Variants in TCF4 observed in about 807,000 individuals in gnomAD.
TCF4 encodes the protein transcription factor 4, also known as SL3-3 enhancer factor 2.
Under a neutral mutation model 82.1 loss-of-function variants are expected in TCF4, and 3 were observed. The ratio of observed to expected loss-of-function variants is 0.04; its 90% CI spans 0.02 to 0.09. The LOEUF (loss-of-function observed/expected upper bound fraction) is 0.09, where lower values mean the gene tolerates loss of function less well. Ranked by LOEUF, TCF4 falls within the 10% of genes least tolerant of loss-of-function variation. The probability of loss-of-function intolerance (pLI) is 1.00; values close to 1 mark genes in which losing one functional copy is unlikely to be tolerated. For synonymous variants in TCF4, 276 were observed against 309.6 expected, an observed-to-expected ratio of 0.89 and a Z score of 1.14; for missense variants, 518 against 852.7, an observed-to-expected ratio of 0.61 and a Z score of 4.89.
chr18:55,323,525 C>G (rs1454376662), intron 8 of TCF4, among the ~76,000 whole-genome samples: 1 of 152,168 alleles, frequency 6.6e-6, no homozygotes, highest in Admixed American at 6.5e-5. Flanking sequence ...AACTCACTTG[C>G]TCTGCATTTA....
chr18:55,234,353 G>A (rs1364406517), intron 16 of TCF4, 195 bp downstream of exon 16: 2 of 729,222 alleles, frequency 2.7e-6, no homozygotes, highest in African/African-American at 1.8e-5. Flanking sequence ...GATGTTTGAG[G>A]AAAACAGTCC....
chr18:55,373,146 A>G (rs2089783663), intron 6 of TCF4, among the ~76,000 whole-genome samples: 1 of 152,026 alleles, frequency 6.6e-6, no homozygotes, highest in South Asian at 2.1e-4. Context: ...AATGCTGTGT[A>G]TAACAAACCA....
At chr18:55,269,329 C>A (rs2059857166) in intron 11 of TCF4, 1 of 172,120 alleles carries the variant, frequency 5.8e-6, no homozygotes, top group South Asian at 1.5e-4. Flanking sequence ...AGGGACTCCA[C>A]AGTGTCACAT....
intron 13 of TCF4, among the ~76,000 whole-genome samples, chr18:55,259,187 A>G (rs1196036518): frequency 6.6e-6 from 1 of 152,176 alleles, no homozygotes; most frequent in Non-Finnish European, 1.5e-5. Context: ...TCCATCAGGT[A>G]CAGATGTGAT....
At chr18:55,246,572 C>T (rs1385972734) in intron 15 of TCF4, among the ~76,000 whole-genome samples, 1 of 152,136 alleles carries the variant, frequency 6.6e-6, no homozygotes, top group Non-Finnish European at 1.5e-5. Context: ...AAGGATCTTA[C>T]TTCTATTGCT....
At chr18:55,604,141 C>A (rs138659408) in intron 2 of TCF4, among the ~76,000 whole-genome samples, 1 of 152,182 alleles carries the variant, frequency 6.6e-6, no homozygotes, top group African/African-American at 2.4e-5. Context: ...ATCTTAACAA[C>A]AATGATTTTT....
intron 3 of TCF4, among the ~76,000 whole-genome samples, chr18:55,491,769 G>T (rs142179862): frequency 2.4e-4 from 37 of 152,244 alleles, no homozygotes; most frequent in African/African-American, 8.7e-4. Flanking sequence ...CTCCTTTGAT[G>T]AATCTGTTCC....
intron 3 of TCF4, among the ~76,000 whole-genome samples, chr18:55,524,218 G>A (rs1352378229): frequency 6.6e-6 from 1 of 151,874 alleles, no homozygotes; most frequent in East Asian, 1.9e-4. Flanking sequence ...ATCACGTCCT[G>A]TTGGTCAAGA....
chr18:55,612,101 T>C (rs2097707643), intron 2 of TCF4, among the ~76,000 whole-genome samples: 1 of 152,184 alleles, frequency 6.6e-6, no homozygotes, highest in Non-Finnish European at 1.5e-5. Context: ...GCTATTTACA[T>C]CTTCAGAAAC....
intron 3 of TCF4, among the ~76,000 whole-genome samples, chr18:55,504,474 AATAAGT>A (rs1373149486): frequency 1.3e-5 from 2 of 152,244 alleles, no homozygotes; most frequent in Admixed American, 6.5e-5. Flanking sequence ...ATCACATGCT[AATAAGT>A]ATAGACACTG....
At chr18:55,420,058 G>C (rs2094676089) in intron 5 of TCF4, among the ~76,000 whole-genome samples, 1 of 152,136 alleles carries the variant, frequency 6.6e-6, no homozygotes, top group Non-Finnish European at 1.5e-5. Flanking sequence ...AATGTGGCTT[G>C]CTGCTGGACA....
In TCF4 at chr18:55,335,951, G is replaced by A. The variant is rs566591046; in HGVS notation, c.549+14408C>T. Among the ~76,000 whole-genome samples, 21 of 151,404 alleles carry A rather than the reference G, an allele frequency of 1.4e-4. No homozygotes were observed. The South Asian group carries it at 4.0e-3, about 29-fold the overall frequency. On this transcript the variant is annotated intron_variant, in intron 8 of 19. Coordinates refer to ENST00000354452, the MANE Select transcript of TCF4 (RefSeq NM_001083962.2). ...CAGTAGGAATACTCATTAATGCAGGGTAATACAGTGTGATAAGCAGCTTAG... is the reference window on the plus strand; with the variant it reads ...CAGTAGGAATACTCATTAATGCAGGATAATACAGTGTGATAAGCAGCTTAG...
intron 3 of TCF4, among the ~76,000 whole-genome samples, chr18:55,533,244 C>CCCA: frequency 6.6e-6 from 1 of 152,254 alleles, no homozygotes; most frequent in South Asian, 2.1e-4. Context: ...GGGCATGCAA[C>CCCA]CCACCTTCCC....
intron 5 of TCF4, among the ~76,000 whole-genome samples, chr18:55,441,810 A>G (rs2095442984): frequency 1.3e-5 from 2 of 152,182 alleles, no homozygotes; most frequent in South Asian, 4.1e-4. Flanking sequence ...ATATAGTCAC[A>G]AATCAGTGGA....
intron 11 of TCF4, 54 bp from the exon 12 acceptor site, chr18:55,261,587 T>C: frequency 1.3e-6 from 2 of 1,589,364 alleles, no homozygotes; most frequent in Non-Finnish European, 1.7e-6. Context: ...GTCTAACAAT[T>C]TTCTATTCCT....
At chr18:55,259,883 G>T in intron 13 of TCF4, 66 bp downstream of exon 13, 2 of 1,364,758 alleles carry the variant, frequency 1.5e-6, no homozygotes, top group Non-Finnish European at 2.1e-6. Flanking sequence ...ACAAAATCAG[G>T]AAGTACAAGG....
intron 8 of TCF4, among the ~76,000 whole-genome samples, chr18:55,290,653 T>C (rs1008447422): frequency 6.6e-6 from 1 of 152,160 alleles, no homozygotes; most frequent in African/African-American, 2.4e-5. Flanking sequence ...CAGTCCCAAA[T>C]GTCTTTAGTG....
At chr18:55,302,307 A>T in intron 8 of TCF4, 2 of 950,198 alleles carry the variant, frequency 2.1e-6, no homozygotes, top group Non-Finnish European at 3.2e-6. Flanking sequence ...AGACAGAAGT[A>T]GTGCAAAGCA....
intron 11 of TCF4, chr18:55,265,823 C>A (rs184292909): frequency 6.6e-6 from 1 of 152,222 alleles, no homozygotes; most frequent in East Asian, 1.9e-4. Flanking sequence ...GATAGATATT[C>A]CAGGGTAATC....
Sources: allele counts gnomAD v4.1 joint callset (sites outside exome capture counted in the v4.1 genomes callset), GRCh38; gene constraint gnomAD v4.1.1; transcripts MANE v1.5; gene names NCBI Gene and HGNC (gene_info 2026-07-23, HGNC 2026-07-21).